BRMS1L: variants seen among roughly 807,000 people sequenced by gnomAD.
BRMS1L encodes breast cancer metastasis-suppressor 1-like protein.
A neutral mutation model predicts 50.3 loss-of-function variants in BRMS1L; 23 were observed. That is an observed-to-expected ratio of 0.46 (90% CI 0.33 to 0.65). The LOEUF is 0.65. Among genes scored for constraint, BRMS1L ranks in the 30% least tolerant of loss-of-function variants. The pLI, the probability that BRMS1L is intolerant of heterozygous loss-of-function variation, is 0.02. For synonymous variants in BRMS1L, 114 were observed against 126.9 expected, an observed-to-expected ratio of 0.90 and a Z score of 0.69; for missense variants, 286 against 386.1, an observed-to-expected ratio of 0.74 and a Z score of 2.17.
intron 4 of BRMS1L, among the ~76,000 whole-genome samples, chr14:35,851,799 A>G (rs908065421): frequency 2.0e-5 from 3 of 152,220 alleles, no homozygotes; most frequent in African/African-American, 7.2e-5. Context: ...CCCCTCTTCC[A>G]GGCATACATC....
intron 4 of BRMS1L, chr14:35,858,436 G>A (rs952158907): frequency 1.3e-5 from 2 of 152,188 alleles, no homozygotes; most frequent in Admixed American, 1.3e-4. Flanking sequence ...TTGGTAGAGT[G>A]TATCTTTCAG....
At chr14:35,835,975 C>T (rs2077987020) in intron 4 of BRMS1L, among the ~76,000 whole-genome samples, 1 of 152,168 alleles carries the variant, frequency 6.6e-6, no homozygotes, top group South Asian at 2.1e-4. Context: ...TATAACGATT[C>T]TTCTGTCACT....
At chr14:35,865,844 T>G (rs2078414040) in intron 8 of BRMS1L, 83 bp downstream of exon 8, 1 of 1,207,134 alleles carries the variant, frequency 8.3e-7, no homozygotes, top group African/African-American at 1.5e-5. Context: ...TAAAGAACTC[T>G]TGAATCAGTG....
In BRMS1L at chr14:35,826,645, T is replaced by C; in HGVS notation, c.129T>C (p.Asp43=). Reference sequence around the variant, plus strand: ...CTGAGAGCTCGTCGGTCTCCGAGGATGGAGATAGCTCAGGTGCGCGACCCA... The same window carrying C: ...CTGAGAGCTCGTCGGTCTCCGAGGACGGAGATAGCTCAGGTGCGCGACCCA... ...EDTESSSVSE[D]GDSSEMDDED... is the part of the protein sequence containing the mutation. The change falls in exon 1 of 10, where the codon GAT becomes GAC. Residue 43 remains aspartate, a synonymous_variant. Transcript: ENST00000216807. The C allele has an allele frequency of 6.2e-7, 1 of 1,612,232 alleles. No individual in the cohort carries two copies.
intron 4 of BRMS1L, among the ~76,000 whole-genome samples, chr14:35,845,420 C>T (rs1346242419): frequency 6.6e-6 from 1 of 152,036 alleles, no homozygotes; most frequent in Non-Finnish European, 1.5e-5. Flanking sequence ...AGAATTTTTA[C>T]CAATAGTTAA....
In BRMS1L at chr14:35,860,823, G is replaced by A. The variant is rs1036911447; in HGVS notation, c.442-1767G>A. Among the ~76,000 whole-genome samples, 4 of 152,312 alleles carry A rather than the reference G, an allele frequency of 2.6e-5. 1 individual carries two copies. The highest frequency in any genetic ancestry group is 4.8e-5 in the African/African-American group (2 of 41,552). ...TCTCCTGATGAGAAACAGCATAGGC[G>A]TCAGCCTGGGAAAGGGGTTATTAGT... is the stretch of plus-strand genomic sequence containing the variant. On this transcript the variant is annotated intron_variant, in intron 4 of 9. Transcript: ENST00000216807.
chr14:35,826,708 A>AG, intron 1 of BRMS1L, 50 bp downstream of exon 1: 1 of 1,596,228 alleles, frequency 6.3e-7, no homozygotes, highest in Non-Finnish European at 8.5e-7. Context: ...AGCGCGCGAC[A>AG]GGCCGCTCTC....
rs534845512 is a variant in BRMS1L, at chr14:35,864,093, C to T, written c.622+140C>T. The stretch of plus-strand genomic sequence containing the variant: ...GCAAAAGATGATTTATTTATAAAAC[C>T]GATTGAAGACAGAGGATATAGTGTA... On this transcript the variant is annotated intron_variant, in intron 6 of 9. Coordinates refer to ENST00000216807, the MANE Select transcript of BRMS1L (RefSeq NM_032352.4). 1.1e-3 allele frequency: 776 copies of T among 701,396 alleles called. 12 individuals are homozygous for T. In the South Asian group the frequency reaches 0.014, roughly 13 times the overall value. The allele number at this position is 701,396 out of a possible 1,614,324, so 43.4% of individuals were successfully genotyped here.
At chr14:35,859,905 G>A (rs1388230055) in intron 4 of BRMS1L, among the ~76,000 whole-genome samples, 1 of 152,124 alleles carries the variant, frequency 6.6e-6, no homozygotes, top group African/African-American at 2.4e-5. Flanking sequence ...TCCTGCCTCC[G>A]TATCCCAAAG....
chr14:35,826,471 G>A lies in BRMS1L; in HGVS notation c.-46G>A, dbSNP rs1289267764. ...GCGCGCCCTTCATTGAAGCGGCGGT[G>A]GCCGGGCTGGGCGCCGGTAGTGGAA... On this transcript the variant is annotated 5_prime_UTR_variant, in exon 1 of 10. Coordinates refer to ENST00000216807, the MANE Select transcript of BRMS1L (RefSeq NM_032352.4). 6 of 1,553,266 alleles carry A rather than the reference G, an allele frequency of 3.9e-6. No individual in the cohort carries two copies. The highest frequency in any genetic ancestry group is 5.2e-6 in the Non-Finnish European group (6 of 1,148,796).
intron 4 of BRMS1L, among the ~76,000 whole-genome samples, chr14:35,861,220 A>T (rs1161478528): frequency 2.0e-5 from 3 of 152,234 alleles, no homozygotes; most frequent in African/African-American, 4.8e-5. Context: ...GTGGCTTTTT[A>T]AAAAATAATA....
At chr14:35,828,277 A>G (rs1014251592) in intron 1 of BRMS1L, among the ~76,000 whole-genome samples, 3 of 151,438 alleles carry the variant, frequency 2.0e-5, no homozygotes, top group Non-Finnish European at 2.9e-5. Flanking sequence ...GGTTCAAGCA[A>G]TTCTCCTGCC....
intron 4 of BRMS1L, chr14:35,858,667 T>G (rs981987702): frequency 1.3e-5 from 2 of 152,150 alleles, no homozygotes; most frequent in Non-Finnish European, 2.9e-5. Context: ...CAGCCAGGGA[T>G]GCAGTCATCT....
At chr14:35,863,844 A>C in intron 5 of BRMS1L, 26 bp from the exon 6 acceptor site, 1 of 1,597,380 alleles carries the variant, frequency 6.3e-7, no homozygotes, top group Non-Finnish European at 8.5e-7. Context: ...AAACCCACTA[A>C]TACTTAATCT....
intron 4 of BRMS1L, among the ~76,000 whole-genome samples, chr14:35,838,630 A>G (rs1668286495): frequency 6.6e-6 from 1 of 152,122 alleles, no homozygotes; most frequent in Non-Finnish European, 1.5e-5. Context: ...ACCAGTGATG[A>G]TGAGCTTTTT....
At chr14:35,865,689 C>G (rs755479387) in intron 7 of BRMS1L, 33 bp from the exon 8 acceptor site, 1 of 1,513,862 alleles carries the variant, frequency 6.6e-7, no homozygotes, top group Non-Finnish European at 8.9e-7. Context: ...ACTCAGACTT[C>G]TTTCTTCCTC....
intron 4 of BRMS1L, among the ~76,000 whole-genome samples, chr14:35,840,991 G>A (rs2078055835): frequency 6.6e-6 from 1 of 152,158 alleles, no homozygotes; most frequent in African/African-American, 2.4e-5. Flanking sequence ...GGCATTCAGT[G>A]CTATAATTTT....
chr14:35,866,467 G>A (rs903514262), intron 8 of BRMS1L, among the ~76,000 whole-genome samples: 6 of 152,208 alleles, frequency 3.9e-5, no homozygotes, highest in African/African-American at 7.2e-5. Flanking sequence ...AATTTGGGAC[G>A]CTAAGGCAGG....
chr14:35,847,430 C>T (rs533062756), intron 4 of BRMS1L, among the ~76,000 whole-genome samples: 2 of 152,140 alleles, frequency 1.3e-5, no homozygotes, highest in Non-Finnish European at 2.9e-5. Context: ...TCCCAAGTAC[C>T]TGGGACTATA....
Sources: allele counts gnomAD v4.1 joint callset (sites outside exome capture counted in the v4.1 genomes callset), GRCh38; gene constraint gnomAD v4.1.1; transcripts MANE v1.5; gene names NCBI Gene and HGNC (gene_info 2026-07-23, HGNC 2026-07-21).